The following PLIN2 variants were observed in gnomAD, a reference collection of about 807,000 sequenced individuals.
PLIN2 encodes the protein perilipin-2.
PLIN2 carries 33 observed loss-of-function variants against 30.6 expected under a neutral mutation model. The ratio of observed to expected loss-of-function variants is 1.08; its 90% CI spans 0.82 to 1.44. The LOEUF (loss-of-function observed/expected upper bound fraction) is 1.44. Ranked by LOEUF, PLIN2 falls within the 40% of genes most tolerant of loss-of-function variation. The pLI is 0.00. For missense variants in PLIN2, 610 were observed against 531.8 expected (o/e 1.15, Z -1.45); for synonymous variants, 205 against 201.1 (o/e 1.02, Z -0.16).
exon 3 of PLIN2, chr9:19,108,492 A>G (rs1683385736): frequency 1.3e-5 from 2 of 152,550 alleles, no homozygotes; most frequent in African/African-American, 2.4e-5. Context: ...TGTCATTGCA[A>G]TTAAGACCAA....
chr9:19,115,543 G>A (rs909468605), downstream of PLIN2, among the ~76,000 whole-genome samples: 1 of 151,974 alleles, frequency 6.6e-6, no homozygotes, highest in South Asian at 2.1e-4. Context: ...TCCTGACCTC[G>A]TGATCCGCCC....
chr9:19,118,052 G>C (rs1818257944), intron 7 of PLIN2, among the ~76,000 whole-genome samples: 1 of 152,182 alleles, frequency 6.6e-6, no homozygotes, highest in South Asian at 2.1e-4. Context: ...TGTATCCCCT[G>C]TTAGTCTGTA....
downstream of PLIN2, among the ~76,000 whole-genome samples, chr9:19,113,774 G>A (rs183068078): frequency 3.4e-4 from 45 of 131,394 alleles, 2 homozygotes; most frequent in East Asian, 4.6e-3. Context: ...GTTATTTTTG[G>A]TTTTTTTTTT....
At chr9:19,123,338 A>G in intron 4 of PLIN2, 1 of 1,548,856 alleles carries the variant, frequency 6.5e-7, no homozygotes, top group Non-Finnish European at 8.7e-7. Context: ...TAGACAACAC[A>G]CTAAAAGTTT....
chr9:19,108,480 A>C (rs571076331), exon 3 of PLIN2: 1 of 152,618 alleles, frequency 6.6e-6, no homozygotes, highest in South Asian at 2.1e-4. Flanking sequence ...TTTAGATCAG[A>C]GTGTCATTGC....
intron 2 of PLIN2, among the ~76,000 whole-genome samples, chr9:19,110,588 G>A (rs1275465427): frequency 1.3e-5 from 2 of 151,958 alleles, no homozygotes; most frequent in Non-Finnish European, 2.9e-5. Context: ...TGATTCTCCT[G>A]CCTCAGCCAC....
chr9:19,108,999 A>G (rs1292983317), intron 2 of PLIN2, among the ~76,000 whole-genome samples: 1 of 152,210 alleles, frequency 6.6e-6, no homozygotes, highest in African/African-American at 2.4e-5. Flanking sequence ...AATACCAGAT[A>G]TAAAGCATTT....
At position 19,116,518 on chromosome 9, in the gene PLIN2, C is replaced by T; in HGVS notation, c.1044G>A (p.Val348=). 1 of 1,614,208 alleles carries T rather than the reference C, an allele frequency of 6.2e-7. No homozygotes were observed. Among genetic ancestry groups the T allele is most frequent in the Non-Finnish European group, 8.5e-7 (1 of 1,180,036 alleles). The part of the protein sequence containing the change: ...NIQDQAKHMG[V]MAGDIYSVFR... ...ACACTGAGTAGATGTCGCCTGCCATCACCCCCATGTGCTTGGCTTGATCTT... is the reference window on the plus strand; with the variant it reads ...ACACTGAGTAGATGTCGCCTGCCATTACCCCCATGTGCTTGGCTTGATCTT... The change falls in exon 8 of 8, where the codon GTG becomes GTA. Residue 348 remains valine (V), a synonymous_variant. Coordinates refer to ENST00000276914, the MANE Select transcript of PLIN2 (RefSeq NM_001122.4).
intron 4 of PLIN2, among the ~76,000 whole-genome samples, chr9:19,122,920 C>G (rs1380995034): frequency 6.6e-6 from 1 of 152,164 alleles, no homozygotes; most frequent in Non-Finnish European, 1.5e-5. Flanking sequence ...GCTCTACCAT[C>G]TAGGTTGGTG....
rs1450533941 is a variant in PLIN2 at position 19,119,713 on chromosome 9, C to A, written c.714G>T (p.Arg238Ser). 4 of 1,612,068 alleles carry A rather than the reference C, an allele frequency of 2.5e-6. No homozygotes were observed. In the Admixed American group the frequency reaches 5.0e-5, roughly 20 times the overall value. ...HSRAYQQALS[R>S]VKEAKQKSQQ... ...GGCTTTTTTGCTTAGCTTCTTTAAC[C>A]CTGCTGAGAGCCTGCTGGTAGGCAC... The change falls in exon 6 of 8, where the codon AGG becomes AGT. Residue 238 changes from arginine to serine, a missense_variant. By Grantham distance (110) the Arg-to-Ser change is moderately radical (BLOSUM62 -1). Transcript: ENST00000276914.
Position 19,116,739 on chromosome 9 carries a change from A to C in PLIN2, c.913-90T>G, listed in dbSNP as rs534694278. The C allele has an allele frequency of 3.8e-6, 4 of 1,046,354 alleles. No individual in the cohort carries two copies. The East Asian group carries it at 9.5e-5, about 25-fold the overall frequency. 64.8% of individuals were successfully genotyped at this position (1,046,354 alleles called of 1,614,324 possible). The stretch of plus-strand genomic sequence containing the variant: ...AGTAGGCTGGTTATGTGTCCACCAC[A>C]TATGTGGATTCTTTGGCTTTTAAAA... On this transcript the variant is annotated intron_variant, in intron 7 of 7. Coordinates refer to ENST00000276914, the MANE Select transcript of PLIN2 (RefSeq NM_001122.4).
chr9:19,123,344 AG>A (rs1165948991), intron 4 of PLIN2: 1 of 1,549,286 alleles, frequency 6.5e-7, no homozygotes, highest in Non-Finnish European at 8.7e-7. Context: ...ACACACTAAA[AG>A]TTTTCTAATC....
intron 6 of PLIN2, 53 bp downstream of exon 6, chr9:19,119,597 G>A: frequency 9.6e-7 from 1 of 1,045,332 alleles, no homozygotes; most frequent in Non-Finnish European, 1.4e-6. Context: ...TAATTCTTGG[G>A]CCTAGAGATA....
In PLIN2 at chr9:19,126,385, C is replaced by T. The variant is rs1370961807; in HGVS notation, c.30+12G>A. On this transcript the variant is annotated intron_variant, in intron 2 of 7. Transcript: ENST00000276914. Reference sequence around the variant, plus strand: ...GGAGAGAAAGTAGACAAAGGCTACTCAAAATTCATACCGGTTGTGGATCAA... The same window carrying T: ...GGAGAGAAAGTAGACAAAGGCTACTTAAAATTCATACCGGTTGTGGATCAA... 1.2e-6 allele frequency: 2 copies of T among 1,613,774 alleles called. No homozygotes were observed. The highest frequency in any genetic ancestry group is 1.7e-6 in the Non-Finnish European group (2 of 1,179,870).
Position 19,116,327 on chromosome 9 carries a change from G to GGATA in PLIN2, c.1234_1235insTATC (p.Ser412LeufsTer23), listed in dbSNP as rs1360624337. The GGATA allele has an allele frequency of 6.2e-7, 1 of 1,613,928 alleles. No homozygotes were observed. The highest frequency in any genetic ancestry group is 8.5e-7 in the Non-Finnish European group (1 of 1,180,020). On this transcript the variant is annotated frameshift_variant, in exon 8 of 8. Coordinates refer to ENST00000276914, the MANE Select transcript of PLIN2 (RefSeq NM_001122.4). LOFTEE classifies it low-confidence loss of function (END_TRUNC). ...TGCACCTTGGTCCTGAGCATTCTGA[G>GGATA]ACTCAGTCAGCTGAGGATAAAAGGG...
chr9:19,111,287 G>T (rs765298657), downstream of PLIN2, among the ~76,000 whole-genome samples: 2 of 151,918 alleles, frequency 1.3e-5, no homozygotes, highest in African/African-American at 2.4e-5. Context: ...GGCCTCAAGT[G>T]ATCTGCCGAC....
rs118004239 is a variant in PLIN2, at chr9:19,122,373, T to C, written c.309+1192A>G. Among the ~76,000 whole-genome samples the C allele has an allele frequency of 1.1e-4, 16 of 152,234 alleles. No individual in the cohort carries two copies. The East Asian group carries it at 2.9e-3, about 28-fold the overall frequency. Reference sequence around the variant, plus strand: ...CTGCCCTATAACAGGTATACTTTTTTTTTTCACTGTACCTTTTCTAGTTTA... The same window carrying C: ...CTGCCCTATAACAGGTATACTTTTTCTTTTCACTGTACCTTTTCTAGTTTA... On this transcript the variant is annotated intron_variant, in intron 4 of 7. Transcript: ENST00000276914.
At chr9:19,110,004 T>G (rs1818138358) in intron 2 of PLIN2, among the ~76,000 whole-genome samples, 1 of 151,520 alleles carries the variant, frequency 6.6e-6, no homozygotes, top group Non-Finnish European at 1.5e-5. Context: ...AGAGGGAAAT[T>G]GGGGAGTTAT....
At chr9:19,113,773 G>A (rs1163118703), downstream of PLIN2, among the ~76,000 whole-genome samples, 2 of 143,696 alleles carry the variant, frequency 1.4e-5, no homozygotes, top group South Asian at 4.4e-4. Flanking sequence ...TGTTATTTTT[G>A]GTTTTTTTTT....
Sources: allele counts gnomAD v4.1 joint callset (sites outside exome capture counted in the v4.1 genomes callset), GRCh38; gene constraint gnomAD v4.1.1; transcripts MANE v1.5; gene names NCBI Gene and HGNC (gene_info 2026-07-23, HGNC 2026-07-21).